Variants in BRF1 observed in about 807,000 individuals in gnomAD.
BRF1 encodes transcription factor IIIB 90 kDa subunit.
Under a neutral mutation model 81.7 loss-of-function variants are expected in BRF1, and 59 were observed. The ratio of observed to expected loss-of-function variants is 0.72; its 90% CI spans 0.59 to 0.90. BRF1 has a LOEUF of 0.90. Among genes scored for constraint, BRF1 ranks in the 40% least tolerant of loss-of-function variants. The probability of loss-of-function intolerance (pLI) is 0.00; values close to 1 mark genes in which losing one functional copy is unlikely to be tolerated. For synonymous variants in BRF1, 491 were observed against 395.6 expected (o/e 1.24, Z -2.86); for missense variants, 1,050 against 936.3 (o/e 1.12, Z -1.58).
chr14:105,288,570 G>A lies in BRF1; in HGVS notation c.185-2194C>T, dbSNP rs181369098. Among the ~76,000 whole-genome samples the A allele has an allele frequency of 8.7e-4, 132 of 152,024 alleles. 4 individuals carry two copies. In the East Asian group the frequency reaches 0.02, roughly 23 times the overall value. On this transcript the variant is annotated intron_variant, in intron 1 of 17. Coordinates refer to ENST00000547530, the MANE Select transcript of BRF1 (RefSeq NM_001519.4). ...TTTGGGAGGCCGGAGCAGGAAGATC[G>A]CCCAACCCAGGAGTTCAATACCAGC...
intron 5 of BRF1, chr14:105,247,097 G>A (rs1024125235): frequency 1.0e-6 from 1 of 985,460 alleles, no homozygotes; most frequent in Non-Finnish European, 1.2e-6. Flanking sequence ...AGACGGCTGG[G>A]ACAGAAACCA....
intron 5 of BRF1, chr14:105,249,911 G>A (rs2055486564): frequency 1.2e-6 from 2 of 1,611,372 alleles, no homozygotes; most frequent in African/African-American, 1.3e-5. Context: ...GCAGACGCTG[G>A]AGATCATTGT....
At chr14:105,219,500 C>T in intron 12 of BRF1, 1 of 639,706 alleles carries the variant, frequency 1.6e-6, no homozygotes, top group East Asian at 2.9e-5. Flanking sequence ...CACCAGGACC[C>T]TGGCCAGCCA....
At chr14:105,248,655 G>C in intron 5 of BRF1, 4 of 980,868 alleles carry the variant, frequency 4.1e-6, no homozygotes, top group Non-Finnish European at 4.8e-6. Context: ...GGTCGCAGGG[G>C]CGGGGGTGGC....
intron 4 of BRF1, 29 bp from the exon 5 acceptor site, chr14:105,252,608 A>G (rs778421779): frequency 1.9e-6 from 3 of 1,603,702 alleles, no homozygotes; most frequent in Admixed American, 1.7e-5. Context: ...AACCAGAAAC[A>G]GCATTGGTAT....
rs1297964596 is a variant in BRF1, at chr14:105,315,164, G to A, written c.-162+158C>T. On this transcript the variant is annotated intron_variant, in intron 1 of 17. Coordinates refer to the BRF1 transcript ENST00000327359. The surrounding 1 kb of genome is among the most constrained non-coding windows in gnomAD (Gnocchi z 4.4). The stretch of plus-strand genomic sequence containing the variant: ...AGCCCAGGTCGCCCCCCGCGCCCCC[G>A]CCCGCCGGTTCGACGCGTGCAGCCG... 2 of 484,788 alleles carry A rather than the reference G, an allele frequency of 4.1e-6. No homozygotes were observed. The highest frequency in any genetic ancestry group is 8.6e-5 in the South Asian group (1 of 11,646). 30.0% of individuals were successfully genotyped at this position (484,788 alleles called of 1,614,324 possible).
chr14:105,221,293 G>T (rs1044025505), intron 11 of BRF1, among the ~76,000 whole-genome samples: 2 of 152,212 alleles, frequency 1.3e-5, no homozygotes, highest in Non-Finnish European at 2.9e-5. Context: ...AGCAAGTGAC[G>T]TTCCCCCGAC....
At chr14:105,270,715 T>A (rs990444177) in intron 3 of BRF1, among the ~76,000 whole-genome samples, 1 of 151,346 alleles carries the variant, frequency 6.6e-6, no homozygotes, top group East Asian at 2.0e-4. Context: ...TGCTTGAACC[T>A]GGGAGGCAGA....
At chr14:105,293,926 T>C (rs1459533611) in intron 1 of BRF1, among the ~76,000 whole-genome samples, 3 of 152,192 alleles carry the variant, frequency 2.0e-5, no homozygotes, top group Non-Finnish European at 4.4e-5. Context: ...GGAAAGACAG[T>C]GGCCTTGGGA....
chr14:105,243,243 C>G (rs1324306470), intron 5 of BRF1, among the ~76,000 whole-genome samples: 1 of 150,812 alleles, frequency 6.6e-6, no homozygotes, highest in East Asian at 1.9e-4. Flanking sequence ...GAGTTCGAGA[C>G]CACCCTGGAC....
chr14:105,274,324 T>G (rs953405952), intron 2 of BRF1, among the ~76,000 whole-genome samples: 1 of 152,176 alleles, frequency 6.6e-6, no homozygotes, highest in African/African-American at 2.4e-5. Flanking sequence ...CAGAGACCGG[T>G]GCCGGTGCAG....
intron 1 of BRF1, among the ~76,000 whole-genome samples, 198 bp downstream of exon 1, chr14:105,300,248 G>A (rs587679478): frequency 7.2e-5 from 11 of 152,288 alleles, no homozygotes; most frequent in East Asian, 1.9e-4. Context: ...GTCCACGCAC[G>A]CCACGGGGGT....
Position 105,263,798 on chromosome 14 carries a change from A to G in BRF1, c.440-7249T>C, listed in dbSNP as rs144340604. Among the ~76,000 whole-genome samples the G allele has an allele frequency of 3.6e-3, 547 of 151,908 alleles. 1 individual carries two copies. Among genetic ancestry groups the G allele is most frequent in the African/African-American group, 0.013 (525 of 41,416 alleles). On this transcript the variant is annotated intron_variant, in intron 3 of 17. Transcript: ENST00000547530. ...AAATCAGCCGGATGTGGTGGCGGGC[A>G]CCTATAGTCCCAGCTACTTGGGAGA... is the stretch of plus-strand genomic sequence containing the variant.
intron 11 of BRF1, among the ~76,000 whole-genome samples, chr14:105,221,242 C>G (rs1035231652): frequency 3.9e-5 from 6 of 152,192 alleles, no homozygotes; most frequent in Non-Finnish European, 8.8e-5. Flanking sequence ...GGCCTGGGCA[C>G]TATGGGGCAG....
intron 5 of BRF1, 152 bp downstream of exon 5, chr14:105,252,355 A>G (rs1056198615): frequency 2.8e-5 from 40 of 1,410,434 alleles, no homozygotes; most frequent in African/African-American, 5.8e-5. Context: ...AAGGCCCCAC[A>G]TTACTGAGCT....
At chr14:105,243,122 C>G (rs1374976787) in intron 5 of BRF1, among the ~76,000 whole-genome samples, 2 of 148,564 alleles carry the variant, frequency 1.3e-5, no homozygotes, top group Non-Finnish European at 3.0e-5. Context: ...TCTCAAAAAA[C>G]AAACAAACAA....
At position 105,221,852 on chromosome 14, in the gene BRF1, C is replaced by G; in HGVS notation, c.1111G>C (p.Glu371Gln). The change falls in exon 11 of 18, where the codon GAA becomes CAA. Residue 371 changes from glutamate (E) to glutamine (Q), a missense_variant. Glu to Gln is a conservative substitution (Grantham distance 29). Transcript: ENST00000547530. ...TTGTTCAGGTGGCTGGCCGCGGCTTCCAGCTCCTCGTCCTCTGTGTCCTCC... is the reference window on the plus strand; with the variant it reads ...TTGTTCAGGTGGCTGGCCGCGGCTTGCAGCTCCTCGTCCTCTGTGTCCTCC... ...GEEDTEDEELEAAASHLNKDL... is the reference protein window; with the variant it reads ...GEEDTEDEELQAAASHLNKDL... 1 of 1,605,898 alleles carries G rather than the reference C, an allele frequency of 6.2e-7. No homozygotes were observed. The highest frequency in any genetic ancestry group is 8.5e-7 in the Non-Finnish European group (1 of 1,176,850).
chr14:105,314,892 C>T (rs1205010775), intron 1 of BRF1: 3 of 966,710 alleles, frequency 3.1e-6, no homozygotes, highest in East Asian at 2.3e-4. Flanking sequence ...AGCCCCAGGC[C>T]GCCGAGGGAG....
At chr14:105,270,619 T>C (rs1268483580) in intron 3 of BRF1, among the ~76,000 whole-genome samples, 1 of 151,794 alleles carries the variant, frequency 6.6e-6, no homozygotes, top group East Asian at 2.0e-4. Context: ...GGAAACCCCA[T>C]CTCTACTAAA....
Sources: allele counts gnomAD v4.1 joint callset (sites outside exome capture counted in the v4.1 genomes callset), GRCh38; gene constraint gnomAD v4.1.1; non-coding constraint Gnocchi (gnomAD v3.1); transcripts MANE v1.5; gene names NCBI Gene and HGNC (gene_info 2026-07-23, HGNC 2026-07-21).